Variants in KALRN observed in about 807,000 individuals in gnomAD.
The protein encoded by KALRN is kalirin RhoGEF kinase, also known as kalirin.
KALRN carries 70 observed loss-of-function variants against 353.7 expected under a neutral mutation model. That is an observed-to-expected ratio of 0.20 (90% CI 0.16 to 0.24). The LOEUF (loss-of-function observed/expected upper bound fraction) is 0.24. Ranked by LOEUF, KALRN falls within the 10% of genes least tolerant of loss-of-function variation. KALRN has a pLI of 1.00. For synonymous variants in KALRN, 1,391 were observed against 1,434.8 expected, an observed-to-expected ratio of 0.97 and a Z score of 0.69; for missense variants, 2,791 against 3,756.7, an observed-to-expected ratio of 0.74 and a Z score of 6.72.
chr3:124,045,253 G>A (rs891115371), intron 1 of KALRN, among the ~76,000 whole-genome samples: 3 of 152,140 alleles, frequency 2.0e-5, no homozygotes, highest in Non-Finnish European at 4.4e-5. Context: ...TGAGGTAGTG[G>A]GGAAAGAGAG....
chr3:124,106,020 G>C lies in KALRN; in HGVS notation c.73+72207G>C, dbSNP rs528808590. Among the ~76,000 whole-genome samples, 6 of 152,312 alleles carry C rather than the reference G, an allele frequency of 3.9e-5. No homozygotes were observed. In the South Asian group the frequency reaches 1.2e-3, roughly 32 times the overall value. On this transcript the variant is annotated intron_variant, in intron 1 of 59. Coordinates refer to ENST00000682506, the MANE Select transcript of KALRN (RefSeq NM_001388419.1). Reference sequence around the variant, plus strand: ...ATGAATAAGGCATGAAATCTTCATGGAGTTTACATTCTAGTGACTAAGGCA... The same window carrying C: ...ATGAATAAGGCATGAAATCTTCATGCAGTTTACATTCTAGTGACTAAGGCA...
chr3:124,329,798 A>G (rs553902330), intron 7 of KALRN, 63 bp from the exon 8 acceptor site: 378 of 1,569,960 alleles, frequency 2.4e-4, no homozygotes, highest in East Asian at 1.6e-4. Context: ...CCCTCTCTCC[A>G]TAATCCACCC....
intron 51 of KALRN, among the ~76,000 whole-genome samples, chr3:124,683,287 C>A (rs1017628012): frequency 2.6e-5 from 4 of 152,188 alleles, no homozygotes; most frequent in African/African-American, 4.8e-5. Context: ...GTCTCTACCC[C>A]GGTATCTGCA....
At chr3:124,669,817 C>A (rs2086158242) in intron 47 of KALRN, among the ~76,000 whole-genome samples, 1 of 152,086 alleles carries the variant, frequency 6.6e-6, no homozygotes, top group Non-Finnish European at 1.5e-5. Flanking sequence ...TACTTTAAAT[C>A]ATCTCTAGAT....
rs575443096 is a variant in KALRN, at chr3:124,720,033, T to C, written c.*563T>C. On this transcript the variant is annotated 3_prime_UTR_variant, in exon 60 of 60. Coordinates refer to ENST00000682506, the MANE Select transcript of KALRN (RefSeq NM_001388419.1). ...TCACAAGTAATTTTGAGTGCTCCAG[T>C]TAAGACAGTAATTTATTTACCGAAT... 2.0e-5 allele frequency: 3 copies of C among 152,714 alleles called. No homozygotes were observed. In the South Asian group the frequency reaches 6.2e-4, roughly 32 times the overall value. 9.5% of individuals were successfully genotyped at this position (152,714 alleles called of 1,614,324 possible). A position where few individuals can be genotyped will look rare whatever the true frequency, so the allele number is the denominator to read the frequency against.
intron 11 of KALRN, among the ~76,000 whole-genome samples, chr3:124,390,160 T>C (rs550840244): frequency 6.6e-6 from 1 of 152,220 alleles, no homozygotes; most frequent in Non-Finnish European, 1.5e-5. Flanking sequence ...TCCAGGAACA[T>C]GGCATTTGTA....
At chr3:124,669,938 C>A (rs146843504) in intron 47 of KALRN, among the ~76,000 whole-genome samples, 7 of 151,626 alleles carry the variant, frequency 4.6e-5, no homozygotes, top group Non-Finnish European at 2.9e-5. Context: ...AGACCACAAC[C>A]ATCCTTTTTT....
intron 1 of KALRN, chr3:124,163,067 A>C (rs529662953): frequency 1.3e-4 from 20 of 152,372 alleles, no homozygotes; most frequent in Admixed American, 1.3e-3. Flanking sequence ...CACTTACTTC[A>C]TAGATAAGAT....
At chr3:124,438,785 T>C (rs1358721937) in intron 17 of KALRN, 103 bp from the exon 18 acceptor site, 2 of 998,694 alleles carry the variant, frequency 2.0e-6, no homozygotes, top group Non-Finnish European at 2.8e-6. Context: ...ATTAAACTTC[T>C]AATGAAAAAT....
At chr3:124,492,929 G>GGGTGC (rs2063325726) in intron 32 of KALRN, 47 bp downstream of exon 32, 2 of 1,598,162 alleles carry the variant, frequency 1.3e-6, no homozygotes, top group Non-Finnish European at 1.7e-6. Flanking sequence ...ACAGGCTTCC[G>GGGTGC]GGTGCGGGAA....
intron 5 of KALRN, among the ~76,000 whole-genome samples, chr3:124,291,341 A>C (rs564436751): frequency 6.6e-6 from 1 of 152,324 alleles, no homozygotes; most frequent in East Asian, 1.9e-4. Flanking sequence ...GTTCACTTAC[A>C]GTTCCTCCCA....
At chr3:124,480,977 A>G (rs1451230914) in intron 27 of KALRN, among the ~76,000 whole-genome samples, 1 of 151,994 alleles carries the variant, frequency 6.6e-6, no homozygotes, top group Non-Finnish European at 1.5e-5. Context: ...TGGGTTTTTC[A>G]TGCATAGATA....
chr3:124,532,134 T>C (rs1324306140), intron 33 of KALRN, among the ~76,000 whole-genome samples: 2 of 152,208 alleles, frequency 1.3e-5, no homozygotes, highest in Non-Finnish European at 2.9e-5. Flanking sequence ...CAGTAGATGA[T>C]GCATGGTAGG....
intron 34 of KALRN, among the ~76,000 whole-genome samples, chr3:124,626,609 T>C (rs1163556098): frequency 1.3e-5 from 2 of 152,206 alleles, no homozygotes; most frequent in Non-Finnish European, 2.9e-5. Flanking sequence ...TTAATGCCAG[T>C]CATTGGTCTT....
chr3:124,434,747 A>G (rs1471210706), intron 17 of KALRN, among the ~76,000 whole-genome samples: 2 of 152,262 alleles, frequency 1.3e-5, no homozygotes, highest in African/African-American at 4.8e-5. Flanking sequence ...GAAACTCACC[A>G]GATCTATAGG....
intron 34 of KALRN, among the ~76,000 whole-genome samples, chr3:124,579,151 T>C (rs1369379050): frequency 6.6e-6 from 1 of 152,102 alleles, no homozygotes; most frequent in African/African-American, 2.4e-5. Context: ...GTACCTGAGG[T>C]CATGGTCCAG....
At chr3:124,692,915 C>G (rs1186275102) in intron 51 of KALRN, among the ~76,000 whole-genome samples, 1 of 152,112 alleles carries the variant, frequency 6.6e-6, no homozygotes, top group Non-Finnish European at 1.5e-5. Flanking sequence ...AGTGGTAATA[C>G]AAAAGATGGG....
intron 51 of KALRN, among the ~76,000 whole-genome samples, chr3:124,689,460 C>A (rs1403627884): frequency 1.3e-5 from 2 of 152,204 alleles, no homozygotes; most frequent in Non-Finnish European, 2.9e-5. Context: ...GCCTCAGCCT[C>A]CCAAAGTACT....
At chr3:124,579,115 C>T (rs957187006) in intron 34 of KALRN, among the ~76,000 whole-genome samples, 1 of 152,266 alleles carries the variant, frequency 6.6e-6, no homozygotes, top group East Asian at 1.9e-4. Context: ...AAAAAAATGG[C>T]ATATGTCTGT....
Sources: allele counts gnomAD v4.1 joint callset (sites outside exome capture counted in the v4.1 genomes callset), GRCh38; gene constraint gnomAD v4.1.1; transcripts MANE v1.5; gene names NCBI Gene and HGNC (gene_info 2026-07-23, HGNC 2026-07-21).